MSI2: variants seen among roughly 807,000 people sequenced by gnomAD.
The protein encoded by MSI2 is RNA-binding protein Musashi homolog 2.
MSI2 carries 17 observed loss-of-function variants against 45.6 expected under a neutral mutation model. That is an observed-to-expected ratio of 0.37 (90% CI 0.26 to 0.56). MSI2 has a LOEUF of 0.56. Among genes scored for constraint, MSI2 ranks in the 20% least tolerant of loss-of-function variants. The pLI, the probability that MSI2 is intolerant of heterozygous loss-of-function variation, is 0.77. For missense variants in MSI2, 293 were observed against 444.2 expected (o/e 0.66, Z 3.06); for synonymous variants, 156 against 158.2 (o/e 0.99, Z 0.11).
chr17:57,526,373 G>A (rs568453113), intron 6 of MSI2, among the ~76,000 whole-genome samples: 1,716 of 87,072 alleles, frequency 0.02, 44 homozygotes, highest in African/African-American at 0.093. Context: ...GTGTGTGTGT[G>A]TGTGTGTGTG....
At chr17:57,369,652 A>C (rs1161898730) in intron 5 of MSI2, among the ~76,000 whole-genome samples, 2 of 152,218 alleles carry the variant, frequency 1.3e-5, no homozygotes, top group African/African-American at 2.4e-5. Flanking sequence ...AAGGGAAAAG[A>C]GGGGCCCAGG....
At chr17:57,277,899 A>G (rs1250550861) in intron 5 of MSI2, 2 of 152,318 alleles carry the variant, frequency 1.3e-5, no homozygotes, top group Non-Finnish European at 2.9e-5. Context: ...TGCGGACTAG[A>G]TGGGACCACA....
At chr17:57,561,800 T>C (rs1329762063) in intron 7 of MSI2, among the ~76,000 whole-genome samples, 1 of 152,122 alleles carries the variant, frequency 6.6e-6, no homozygotes, top group Non-Finnish European at 1.5e-5. Flanking sequence ...TAATGAGAAC[T>C]TTAGAGGCCT....
intron 6 of MSI2, among the ~76,000 whole-genome samples, chr17:57,450,670 C>CAAAAAAAA: frequency 3.1e-5 from 1 of 31,942 alleles, no homozygotes; most frequent in Non-Finnish European, 5.5e-5. Flanking sequence ...GACTGCATCT[C>CAAAAAAAA]AAAAAAAAAA....
intron 6 of MSI2, among the ~76,000 whole-genome samples, chr17:57,480,457 A>C (rs893434419): frequency 7.9e-5 from 12 of 152,212 alleles, no homozygotes; most frequent in African/African-American, 2.9e-4. Context: ...ACATTAACTG[A>C]AGTTCAGGCT....
intron 5 of MSI2, among the ~76,000 whole-genome samples, chr17:57,371,040 G>C (rs538995530): frequency 6.6e-6 from 1 of 152,312 alleles, no homozygotes; most frequent in Non-Finnish European, 1.5e-5. Flanking sequence ...CATGCAGTAG[G>C]CTCAGTATCT....
chr17:57,557,921 G>A (rs775472128), intron 7 of MSI2, among the ~76,000 whole-genome samples: 2 of 152,176 alleles, frequency 1.3e-5, no homozygotes, highest in African/African-American at 4.8e-5. Flanking sequence ...AGAAAGAAGC[G>A]TCATCTCCTT....
intron 5 of MSI2, among the ~76,000 whole-genome samples, chr17:57,356,293 G>A (rs1008378442): frequency 6.6e-6 from 1 of 152,104 alleles, no homozygotes; most frequent in Non-Finnish European, 1.5e-5. Flanking sequence ...TTTTTGGCGG[G>A]CATGTTTCTT....
chr17:57,588,274 C>T (rs777579594), intron 7 of MSI2, among the ~76,000 whole-genome samples: 4 of 152,200 alleles, frequency 2.6e-5, no homozygotes, highest in Admixed American at 6.5e-5. Context: ...CTTAACCATC[C>T]CTGAGGCTGG....
chr17:57,453,622 A>T (rs573211500), intron 6 of MSI2, among the ~76,000 whole-genome samples: 1 of 152,276 alleles, frequency 6.6e-6, no homozygotes, highest in South Asian at 2.1e-4. Context: ...TACAGCATAT[A>T]CCTTGTGCCG....
intron 6 of MSI2, among the ~76,000 whole-genome samples, chr17:57,433,761 GC>G (rs1340504579): frequency 1.1e-4 from 17 of 152,328 alleles, no homozygotes; most frequent in Non-Finnish European, 2.2e-4. Context: ...GAGTTGATCA[GC>G]CCCAGAGATG....
At chr17:57,343,573 T>C (rs1448290223) in intron 5 of MSI2, among the ~76,000 whole-genome samples, 1 of 152,182 alleles carries the variant, frequency 6.6e-6, no homozygotes, top group Non-Finnish European at 1.5e-5. Flanking sequence ...CTTACCAACT[T>C]CAGTCCAGTT....
At chr17:57,666,396 C>G (rs888919758) in intron 11 of MSI2, among the ~76,000 whole-genome samples, 5 of 152,238 alleles carry the variant, frequency 3.3e-5, no homozygotes, top group Non-Finnish European at 7.3e-5. Flanking sequence ...ACATGCCTGG[C>G]AACACAGTAG....
intron 7 of MSI2, among the ~76,000 whole-genome samples, chr17:57,591,018 T>A (rs1178220576): frequency 6.6e-6 from 1 of 152,210 alleles, no homozygotes; most frequent in Non-Finnish European, 1.5e-5. Context: ...AGACTCGCCA[T>A]AGACTAGAAT....
intron 7 of MSI2, among the ~76,000 whole-genome samples, chr17:57,583,189 T>G (rs2088249201): frequency 6.6e-6 from 1 of 152,218 alleles, no homozygotes; most frequent in Non-Finnish European, 1.5e-5. Context: ...TTACCTACTT[T>G]GTAAGGGTTG....
chr17:57,569,002 T>C (rs979272926), intron 7 of MSI2, among the ~76,000 whole-genome samples: 1 of 152,002 alleles, frequency 6.6e-6, no homozygotes, highest in Non-Finnish European at 1.5e-5. Flanking sequence ...TGTAGCCTCT[T>C]TTAAAAATTT....
intron 5 of MSI2, among the ~76,000 whole-genome samples, chr17:57,291,971 C>T (rs1222853245): frequency 6.6e-6 from 1 of 151,982 alleles, no homozygotes; most frequent in Non-Finnish European, 1.5e-5. Context: ...ACTGATTGAG[C>T]CTTTACCATG....
chr17:57,293,584 ATTGTTTTTTTGTTTTTTTTT>A lies in MSI2; in HGVS notation c.312+31403_312+31422del, dbSNP rs1297929963. 3.3e-5 allele frequency among the ~76,000 whole-genome samples: 4 copies of A among 121,670 alleles called. No homozygotes were observed. In the Admixed American group the frequency reaches 3.7e-4, roughly 11 times the overall value. 79.8% of individuals were successfully genotyped at this position (121,670 alleles called of 152,430 possible). On this transcript the variant is annotated intron_variant, in intron 5 of 13. Transcript: ENST00000284073. ...CCTCTGAATATGTAATCAGTGCTTT[ATTGTTTTTTTGTTTTTTTTT>A]TTGTTTTTTTTTGTTTTTTTTGAGA... is the stretch of plus-strand genomic sequence containing the variant.
chr17:57,499,746 C>T (rs1311844552), intron 6 of MSI2, among the ~76,000 whole-genome samples: 1 of 152,184 alleles, frequency 6.6e-6, no homozygotes, highest in African/African-American at 2.4e-5. Flanking sequence ...GGTTGTAGTT[C>T]TAGTGGCTGC....
Sources: allele counts gnomAD v4.1 joint callset (sites outside exome capture counted in the v4.1 genomes callset), GRCh38; gene constraint gnomAD v4.1.1; transcripts MANE v1.5; gene names NCBI Gene and HGNC (gene_info 2026-07-23, HGNC 2026-07-21).